MCM3AP: variants seen among roughly 807,000 people sequenced by gnomAD.
MCM3AP encodes minichromosome maintenance complex component 3 associated protein.
MCM3AP carries 126 observed loss-of-function variants against 184.1 expected under a neutral mutation model. That is an observed-to-expected ratio of 0.68 (90% CI 0.59 to 0.79). The LOEUF is 0.79. Among genes scored for constraint, MCM3AP ranks in the 30% least tolerant of loss-of-function variants. The probability of loss-of-function intolerance (pLI) is 0.00; values close to 1 mark genes in which losing one functional copy is unlikely to be tolerated. For missense variants in MCM3AP, 2,496 were observed against 2,479.2 expected (o/e 1.01, Z -0.14); for synonymous variants, 1,002 against 979.3 (o/e 1.02, Z -0.43).
At chr21:46,245,234 A>C (rs1358476137) in intron 22 of MCM3AP, 37 bp from the exon 23 acceptor site, 2 of 1,560,576 alleles carry the variant, frequency 1.3e-6, no homozygotes, top group Admixed American at 2.0e-5. Context: ...AACAATTCAC[A>C]CTGTTTTTCA....
At chr21:46,252,960 T>C (rs906536080) in intron 19 of MCM3AP, 3 of 151,868 alleles carry the variant, frequency 2.0e-5, no homozygotes, top group Non-Finnish European at 4.4e-5. Context: ...TTGGGCAACA[T>C]AGTGAAACCC....
In MCM3AP at chr21:46,246,758, G is replaced by C. The variant is rs538967375; in HGVS notation, c.4419C>G (p.Asp1473Glu). ...GCAGCAAGGCCGACAGCCAGTACAC[G>C]TCCTCCTCTGCCATGTCCTCACTCT... Reference protein sequence around the residue: ...KMKSEDMAEEDVYWLSALLQL... With the variant: ...KMKSEDMAEEEVYWLSALLQL... Residue 1473 changes from aspartate to glutamate, a missense_variant, in exon 21 of 28, where the codon GAC (aspartate) becomes GAG (glutamate). By Grantham distance (45) the Asp-to-Glu change is conservative. Transcript: ENST00000291688. 1 of 1,614,186 alleles carries C rather than the reference G, an allele frequency of 6.2e-7. No individual in the cohort carries two copies. The highest frequency in any genetic ancestry group is 2.2e-5 in the East Asian group (1 of 44,882).
chr21:46,241,069 G>T, intron 25 of MCM3AP, 52 bp from the exon 26 acceptor site: 2 of 1,319,590 alleles, frequency 1.5e-6, no homozygotes, highest in Non-Finnish European at 2.2e-6. Context: ...TATTTCTACA[G>T]CATCATGTAA....
Position 46,272,662 on chromosome 21 carries a change from C to G in MCM3AP, c.2364G>C (p.Glu788Asp), listed in dbSNP as rs1477778791. Reference sequence around the variant, plus strand: ...CCTTGTTTCTCAGGTCCTGGTACATCTCCTTCAGGCTCTGCAGGCACTTGG... The same window carrying G: ...CCTTGTTTCTCAGGTCCTGGTACATGTCCTTCAGGCTCTGCAGGCACTTGG... Reference protein sequence around the residue: ...NMTKCLQSLKEMYQDLRNKGV... With the variant: ...NMTKCLQSLKDMYQDLRNKGV... Residue 788 changes from glutamate (E) to aspartate (D), a missense_variant, in exon 8 of 28, where the codon GAG becomes GAC. Physicochemically the swap from Glu to Asp is conservative, Grantham distance 45. Around this residue, in one of 5 missense-constraint regions of MCM3AP, gnomAD observed 105 missense variants for 97.1 expected, o/e 1.08. Coordinates refer to ENST00000291688, the MANE Select transcript of MCM3AP (RefSeq NM_003906.5). 6.2e-7 allele frequency: 1 copy of G among 1,614,228 alleles called. No individual in the cohort carries two copies. Among genetic ancestry groups the G allele is most frequent in the Admixed American group, 1.7e-5 (1 of 60,032 alleles).
chr21:46,235,308 TCA>T lies in MCM3AP; in HGVS notation c.5901_5902del (p.Glu1968AlafsTer40). 6.2e-7 allele frequency: 1 copy of T among 1,614,076 alleles called. No individual in the cohort carries two copies. Among genetic ancestry groups the T allele is most frequent in the East Asian group, 2.2e-5 (1 of 44,888 alleles). On this transcript the variant is annotated frameshift_variant, in exon 28 of 28. Transcript: ENST00000291688. LOFTEE classifies it high-confidence loss of function. ...GTCTAGCAGCGCAGAGAGATGGAGCTCAGAGGCAACTTCCTCTTCCCTTGAAC... is the reference window on the plus strand; with the variant it reads ...GTCTAGCAGCGCAGAGAGATGGAGCTGAGGCAACTTCCTCTTCCCTTGAAC...
intron 27 of MCM3AP, 105 bp downstream of exon 27, chr21:46,236,724 G>A (rs1468543110): frequency 1.6e-5 from 12 of 754,880 alleles, no homozygotes; most frequent in East Asian, 6.0e-5. Context: ...ATAATTTGTC[G>A]GTCATCAAAA....
At chr21:46,249,565 T>C (rs1219212020) in intron 20 of MCM3AP, 1 of 448,632 alleles carries the variant, frequency 2.2e-6, no homozygotes, top group African/African-American at 2.0e-5. Context: ...AATAAATGCA[T>C]TTTCTTTTTC....
At chr21:46,276,818 A>G (rs1248399056) in intron 5 of MCM3AP, among the ~76,000 whole-genome samples, 9 of 150,472 alleles carry the variant, frequency 6.0e-5, no homozygotes, top group Non-Finnish European at 8.9e-5. Context: ...GCTCACTGTA[A>G]CCTCCACCTC....
intron 27 of MCM3AP, among the ~76,000 whole-genome samples, chr21:46,235,848 G>C (rs1457362724): frequency 1.3e-5 from 2 of 152,112 alleles, no homozygotes; most frequent in African/African-American, 2.4e-5. Flanking sequence ...GCCCAGGCTG[G>C]ACTCAAGCTC....
intron 12 of MCM3AP, 66 bp downstream of exon 12, chr21:46,265,255 A>T: frequency 6.8e-7 from 1 of 1,470,458 alleles, no homozygotes; most frequent in Non-Finnish European, 9.4e-7. Flanking sequence ...TCATGGGGTG[A>T]TGACTAAGGA....
intron 16 of MCM3AP, among the ~76,000 whole-genome samples, chr21:46,258,066 A>G (rs201974887): frequency 2.6e-5 from 4 of 152,148 alleles, no homozygotes; most frequent in Admixed American, 6.5e-5. Flanking sequence ...CCTCCACCTC[A>G]TATCAGATGG....
rs755498146 is a variant in MCM3AP, at chr21:46,285,238, C to G, written c.49G>C (p.Ala17Pro). ...FSGQQPSAFS[A>P]SSSNVGTLPS... ...AGTGTTCCTACATTACTAGAAGACG[C>G]CGAAAAAGCACTAGGCTGCTGCCCA... Residue 17 changes from alanine to proline, a missense_variant, in exon 1 of 28, where the codon GCG becomes CCG. By Grantham distance (27) the Ala-to-Pro change is conservative (BLOSUM62 -1). Transcript: ENST00000291688. 6.8e-6 allele frequency: 11 copies of G among 1,613,912 alleles called. No homozygotes were observed. In the Middle Eastern group the frequency reaches 4.9e-4, roughly 72 times the overall value.
chr21:46,283,886 ACAGGAGG>A (rs2081365123), intron 1 of MCM3AP, 48 bp from the exon 2 acceptor site: 1 of 1,572,124 alleles, frequency 6.4e-7, no homozygotes, highest in African/African-American at 1.4e-5. Context: ...GTTTCCAACA[ACAGGAGG>A]CACCAACTGT....
intron 2 of MCM3AP, among the ~76,000 whole-genome samples, chr21:46,282,761 T>C (rs1002255845): frequency 2.0e-5 from 3 of 150,956 alleles, no homozygotes; most frequent in Non-Finnish European, 1.5e-5. Flanking sequence ...GCCGAGATCA[T>C]GCCACGGCAC....
chr21:46,263,185 C>T (rs2081063722), intron 13 of MCM3AP, among the ~76,000 whole-genome samples: 1 of 151,678 alleles, frequency 6.6e-6, no homozygotes, highest in South Asian at 2.1e-4. Flanking sequence ...AAAAAATTAG[C>T]CAGGCTTGGT....
intron 17 of MCM3AP, among the ~76,000 whole-genome samples, chr21:46,255,985 AC>A (rs944512070): frequency 6.6e-6 from 1 of 152,164 alleles, no homozygotes; most frequent in Non-Finnish European, 1.5e-5. Flanking sequence ...CCGGCGCAGA[AC>A]CTGATGGGGC....
chr21:46,260,094 G>C lies in MCM3AP; in HGVS notation c.3581+699C>G, dbSNP rs181941292. Among the ~76,000 whole-genome samples the C allele has an allele frequency of 3.0e-3, 454 of 151,892 alleles. 4 individuals carry two copies. Among genetic ancestry groups the C allele is most frequent in the African/African-American group, 0.01 (425 of 41,464 alleles). On this transcript the variant is annotated intron_variant, in intron 15 of 27. Coordinates refer to ENST00000291688, the MANE Select transcript of MCM3AP (RefSeq NM_003906.5). ...CCGTCTTTAAAAAAAAAAAGTGCAA[G>C]AGTCTGCATCCTCAGTATTAAAATG...
At chr21:46,254,335 A>G (rs1423392892) in intron 19 of MCM3AP, 57 bp downstream of exon 19, 3 of 1,608,398 alleles carry the variant, frequency 1.9e-6, no homozygotes, top group Non-Finnish European at 2.6e-6. Flanking sequence ...CTGGCCCACA[A>G]CCCTGCCCTG....
At chr21:46,251,844 C>A in intron 19 of MCM3AP, 162 bp from the exon 20 acceptor site, 1 of 449,914 alleles carries the variant, frequency 2.2e-6, no homozygotes. Flanking sequence ...ACAAAACAGG[C>A]TGTTGTTTTA....
Sources: allele counts gnomAD v4.1 joint callset (sites outside exome capture counted in the v4.1 genomes callset), GRCh38; gene constraint gnomAD v4.1.1; regional missense constraint gnomAD v4.1.1; transcripts MANE v1.5; gene names NCBI Gene and HGNC (gene_info 2026-07-23, HGNC 2026-07-21).